The following KCNJ6 variants were observed in gnomAD, a reference collection of about 807,000 sequenced individuals.
KCNJ6 encodes the protein potassium inwardly rectifying channel subfamily J member 6, also known as G protein-activated inward rectifier potassium channel 2.
KCNJ6 carries 9 observed loss-of-function variants against 34.2 expected under a neutral mutation model. That is an observed-to-expected ratio of 0.26 (90% CI 0.16 to 0.46). The LOEUF is 0.46. Among genes scored for constraint, KCNJ6 ranks in the 20% least tolerant of loss-of-function variants. KCNJ6 has a pLI of 1.00. For missense variants in KCNJ6, 236 were observed against 531.3 expected, an observed-to-expected ratio of 0.44 and a Z score of 5.46; for synonymous variants, 196 against 207.1, an observed-to-expected ratio of 0.95 and a Z score of 0.46.
At chr21:37,869,829 T>C (rs551776127) in intron 1 of KCNJ6, among the ~76,000 whole-genome samples, 1 of 152,376 alleles carries the variant, frequency 6.6e-6, no homozygotes, top group South Asian at 2.1e-4. Context: ...GTTGACCAGA[T>C]GGCAGTGGTC....
At chr21:37,798,827 C>T (rs780477927) in intron 2 of KCNJ6, among the ~76,000 whole-genome samples, 6 of 151,942 alleles carry the variant, frequency 3.9e-5, no homozygotes, top group Non-Finnish European at 7.4e-5. Context: ...AAATTGATCT[C>T]GGTGATAGTT....
intron 3 of KCNJ6, among the ~76,000 whole-genome samples, chr21:37,677,936 T>C (rs1288653415): frequency 1.2e-5 from 1 of 85,056 alleles, no homozygotes; most frequent in Non-Finnish European, 2.6e-5. Context: ...CATTAATTCA[T>C]TCATTGGCAA....
intron 2 of KCNJ6, among the ~76,000 whole-genome samples, chr21:37,770,194 A>T (rs2055111127): frequency 6.6e-6 from 1 of 152,120 alleles, no homozygotes; most frequent in Non-Finnish European, 1.5e-5. Context: ...GTTTTGGCTC[A>T]GGAATCTGTA....
chr21:37,686,335 A>AAG (rs2054614929), intron 3 of KCNJ6, among the ~76,000 whole-genome samples: 1 of 152,142 alleles, frequency 6.6e-6, no homozygotes, highest in Non-Finnish European at 1.5e-5. Flanking sequence ...CTCCAGTCCA[A>AAG]CTGGCTGTGA....
rs2054280589 is a variant in KCNJ6, at chr21:37,618,559, A to G, written c.*6600T>C. 6.6e-6 allele frequency: 1 copy of G among 152,244 alleles called. No homozygotes were observed. Among genetic ancestry groups the G allele is most frequent in the African/African-American group, 2.4e-5 (1 of 41,468 alleles). The allele number at this position is 152,244 out of a possible 1,614,324, so 9.4% of individuals were successfully genotyped here. On this transcript the variant is annotated 3_prime_UTR_variant, in exon 4 of 4. Coordinates refer to ENST00000609713, the MANE Select transcript of KCNJ6 (RefSeq NM_002240.5). ...AGTATTGATGATCGGTGTTAAAACAATGGGCACTGAGCCTTAATCTTGAAA... is the reference window on the plus strand; with the variant it reads ...AGTATTGATGATCGGTGTTAAAACAGTGGGCACTGAGCCTTAATCTTGAAA...
At chr21:37,776,123 G>C (rs1247218759) in intron 2 of KCNJ6, among the ~76,000 whole-genome samples, 1 of 152,108 alleles carries the variant, frequency 6.6e-6, no homozygotes, top group Non-Finnish European at 1.5e-5. Context: ...ATTGTGAATG[G>C]GAGTTCACTC....
intron 2 of KCNJ6, among the ~76,000 whole-genome samples, chr21:37,716,636 G>A (rs1001945960): frequency 6.6e-6 from 1 of 151,924 alleles, no homozygotes; most frequent in African/African-American, 2.4e-5. Context: ...TCACACCTTG[G>A]CCTCCCAAAA....
chr21:37,905,973 T>C (rs2123649897), intron 1 of KCNJ6, among the ~76,000 whole-genome samples: 1 of 152,354 alleles, frequency 6.6e-6, no homozygotes, highest in East Asian at 1.9e-4. Context: ...GAAGGTCTGC[T>C]GTGATAAGCC....
At chr21:37,775,222 T>C (rs993183884) in intron 2 of KCNJ6, among the ~76,000 whole-genome samples, 6 of 152,194 alleles carry the variant, frequency 3.9e-5, no homozygotes, top group African/African-American at 1.4e-4. Flanking sequence ...GTAAATTTGT[T>C]TGAGTTCTTT....
chr21:37,708,073 T>C (rs553552073), intron 3 of KCNJ6, among the ~76,000 whole-genome samples: 3 of 152,328 alleles, frequency 2.0e-5, no homozygotes, highest in South Asian at 4.1e-4. Context: ...GCATCTAATT[T>C]AGTGGCTTCT....
At chr21:37,747,558 CA>C (rs2054973515) in intron 2 of KCNJ6, among the ~76,000 whole-genome samples, 1 of 152,194 alleles carries the variant, frequency 6.6e-6, no homozygotes, top group African/African-American at 2.4e-5. Flanking sequence ...AGCTGACCTT[CA>C]ACTGGGGAGA....
intron 2 of KCNJ6, among the ~76,000 whole-genome samples, chr21:37,810,286 A>G (rs942321747): frequency 6.6e-6 from 1 of 152,226 alleles, no homozygotes; most frequent in Non-Finnish European, 1.5e-5. Flanking sequence ...TGATTATACC[A>G]TAATTAAATA....
intron 2 of KCNJ6, among the ~76,000 whole-genome samples, chr21:37,730,578 T>G (rs971769483): frequency 6.6e-6 from 1 of 152,206 alleles, no homozygotes; most frequent in Non-Finnish European, 1.5e-5. Context: ...GTAACTACAA[T>G]AATCACTATT....
chr21:37,614,997 T>A lies in KCNJ6; in HGVS notation c.*10162A>T, dbSNP rs2054260954. ...GAACCATGTGATAACAGGCCACATG[T>A]TTTGTTGATGCCTGTTGTCACAGAA... On this transcript the variant is annotated 3_prime_UTR_variant, in exon 4 of 4. Coordinates refer to ENST00000609713, the MANE Select transcript of KCNJ6 (RefSeq NM_002240.5). The A allele has an allele frequency of 2.6e-5, 4 of 152,120 alleles. No individual in the cohort carries two copies. The highest frequency in any genetic ancestry group is 2.0e-4 in the Admixed American group (3 of 15,274). 9.4% of individuals were successfully genotyped at this position (152,120 alleles called of 1,614,324 possible).
chr21:37,630,318 C>A (rs2123366585), intron 3 of KCNJ6, among the ~76,000 whole-genome samples: 1 of 152,252 alleles, frequency 6.6e-6, no homozygotes, highest in African/African-American at 2.4e-5. Context: ...TCATAGGTGT[C>A]TGTTTTTCTT....
In KCNJ6 at chr21:37,616,590, C is replaced by CATATATATAT; in HGVS notation, c.*8559_*8568dup. 1.5e-3 allele frequency: 137 copies of CATATATATAT among 90,696 alleles called. 12 individuals are homozygous for CATATATATAT. The highest frequency in any genetic ancestry group is 2.1e-3 in the African/African-American group (45 of 21,736). The allele number at this position is 90,696 out of a possible 1,614,324, so 5.6% of individuals were successfully genotyped here. A position where few individuals can be genotyped will look rare whatever the true frequency, so the allele number is the denominator to read the frequency against. On this transcript the variant is annotated 3_prime_UTR_variant, in exon 4 of 4. Transcript: ENST00000609713. ...AATTATGAAGCAGGAACAAAATGTA[C>CATATATATAT]ATATATATATATATATATATATATA...
At chr21:37,775,383 T>C (rs868371171) in intron 2 of KCNJ6, among the ~76,000 whole-genome samples, 3 of 152,324 alleles carry the variant, frequency 2.0e-5, no homozygotes, top group African/African-American at 7.2e-5. Flanking sequence ...TTCTGGCTTT[T>C]GTTGCCATTG....
chr21:37,633,947 A>G (rs1183291905), intron 3 of KCNJ6, among the ~76,000 whole-genome samples: 1 of 152,112 alleles, frequency 6.6e-6, no homozygotes, highest in Non-Finnish European at 1.5e-5. Context: ...AATGGATTTG[A>G]CAAATCCTTT....
At chr21:37,904,671 C>A (rs1271826928) in intron 1 of KCNJ6, among the ~76,000 whole-genome samples, 1 of 152,134 alleles carries the variant, frequency 6.6e-6, no homozygotes, top group African/African-American at 2.4e-5. Context: ...TTCCCAGTGA[C>A]TTCTATCAAA....
Sources: allele counts gnomAD v4.1 joint callset (sites outside exome capture counted in the v4.1 genomes callset), GRCh38; gene constraint gnomAD v4.1.1; transcripts MANE v1.5; gene names NCBI Gene and HGNC (gene_info 2026-07-23, HGNC 2026-07-21).